The following A1CF variants were observed in gnomAD, a reference collection of about 807,000 sequenced individuals.
The protein encoded by A1CF is APOBEC1 complementation factor.
Under a neutral mutation model 68.9 loss-of-function variants are expected in A1CF, and 48 were observed. That is an observed-to-expected ratio of 0.70 (90% CI 0.55 to 0.89). The LOEUF (loss-of-function observed/expected upper bound fraction) is 0.89, where lower values mean the gene tolerates loss of function less well. Ranked by LOEUF, A1CF falls within the 40% of genes least tolerant of loss-of-function variation. A1CF has a pLI of 0.00. For synonymous variants in A1CF, 272 were observed against 260.4 expected, an observed-to-expected ratio of 1.04 and a Z score of -0.43; for missense variants, 653 against 718.9, an observed-to-expected ratio of 0.91 and a Z score of 1.05.
In A1CF at chr10:50,805,246, T is replaced by G. The variant is rs2132293820; in HGVS notation, c.*1483A>C. On this transcript the variant is annotated 3_prime_UTR_variant, in exon 13 of 13. Coordinates refer to ENST00000373997, the MANE Select transcript of A1CF (RefSeq NM_014576.4). Reference sequence around the variant, plus strand: ...TTTTCCTTTGTGTTCTGTAAATTTTTTTAAGGGCCAAGGGATTTTAAAAAA... The same window carrying G: ...TTTTCCTTTGTGTTCTGTAAATTTTGTTAAGGGCCAAGGGATTTTAAAAAA... 6.6e-6 allele frequency: 1 copy of G among 152,372 alleles called. No homozygotes were observed. Among genetic ancestry groups the G allele is most frequent in the East Asian group, 1.9e-4 (1 of 5,194 alleles). 9.4% of individuals were successfully genotyped at this position (152,372 alleles called of 1,614,324 possible). A position where few individuals can be genotyped will look rare whatever the true frequency, so the allele number is the denominator to read the frequency against.
intron 8 of A1CF, among the ~76,000 whole-genome samples, chr10:50,819,354 C>T (rs1399075510): frequency 1.3e-5 from 2 of 152,114 alleles, no homozygotes; most frequent in Non-Finnish European, 2.9e-5. Flanking sequence ...CACTCCTGGG[C>T]TCAAGCAATC....
chr10:50,855,928 C>T (rs1402830532), intron 3 of A1CF, among the ~76,000 whole-genome samples: 1 of 151,892 alleles, frequency 6.6e-6, no homozygotes. Flanking sequence ...AAAAAGTAAA[C>T]TTGATGTTCT....
chr10:50,830,772 AATTTGT>A (rs1439837985), intron 6 of A1CF, among the ~76,000 whole-genome samples: 1 of 152,178 alleles, frequency 6.6e-6, no homozygotes, highest in Non-Finnish European at 1.5e-5. Context: ...ACAATTCTAA[AATTTGT>A]ATGGGGCCAC....
intron 11 of A1CF, 140 bp downstream of exon 11, chr10:50,810,899 AC>A (rs1373979768): frequency 9.7e-7 from 1 of 1,026,338 alleles, no homozygotes; most frequent in Non-Finnish European, 1.3e-6. Flanking sequence ...GCACATCCCA[AC>A]TACACATCTC....
chr10:50,844,912 G>T (rs1839930484), intron 3 of A1CF, among the ~76,000 whole-genome samples: 1 of 152,132 alleles, frequency 6.6e-6, no homozygotes, highest in African/African-American at 2.4e-5. Context: ...TAGTGTCCCT[G>T]TTAAATCTTC....
chr10:50,855,500 C>T (rs1840437641), intron 3 of A1CF, among the ~76,000 whole-genome samples: 1 of 151,916 alleles, frequency 6.6e-6, no homozygotes, highest in Non-Finnish European at 1.5e-5. Context: ...TGGGGTACTA[C>T]ATTATATCTC....
intron 7 of A1CF, among the ~76,000 whole-genome samples, chr10:50,821,458 A>C (rs1382322457): frequency 6.6e-6 from 1 of 152,226 alleles, no homozygotes; most frequent in Non-Finnish European, 1.5e-5. Flanking sequence ...ATGAGTGATT[A>C]AATCCGCTGC....
chr10:50,810,381 T>C (rs1385238443), intron 11 of A1CF, among the ~76,000 whole-genome samples: 1 of 152,178 alleles, frequency 6.6e-6, no homozygotes. Context: ...AGAGAGGTCA[T>C]ATCTTTGGTC....
chr10:50,859,839 T>C lies in A1CF; in HGVS notation c.99+3A>G. On this transcript the variant is annotated splice_donor_region_variant and intron_variant, in intron 3 of 12. Coordinates refer to ENST00000373997, the MANE Select transcript of A1CF (RefSeq NM_014576.4). ...AGTCTCAGCAGATTTCACAAGTTCC[T>C]ACCTGGACCAAGCTATATCCTGTGC... is the stretch of plus-strand genomic sequence containing the variant. 1 of 1,613,334 alleles carries C rather than the reference T, an allele frequency of 6.2e-7. No homozygotes were observed. Among genetic ancestry groups the C allele is most frequent in the Non-Finnish European group, 8.5e-7 (1 of 1,179,536 alleles).
chr10:50,883,659 A>T (rs1351009621), intron 1 of A1CF, among the ~76,000 whole-genome samples: 3 of 152,184 alleles, frequency 2.0e-5, no homozygotes, highest in African/African-American at 7.2e-5. Flanking sequence ...AGAGATATTG[A>T]TAGATGTTCC....
chr10:50,839,375 C>T (rs1839667517), intron 5 of A1CF, among the ~76,000 whole-genome samples: 1 of 152,180 alleles, frequency 6.6e-6, no homozygotes, highest in Non-Finnish European at 1.5e-5. Flanking sequence ...GGGGAAACTT[C>T]CAATTCTGGA....
At chr10:50,875,411 C>G (rs553341700) in intron 1 of A1CF, among the ~76,000 whole-genome samples, 1 of 152,078 alleles carries the variant, frequency 6.6e-6, no homozygotes, top group African/African-American at 2.4e-5. Context: ...TTGTGTGGTT[C>G]TATGTACGGA....
Position 50,816,197 on chromosome 10 carries a change from C to T in A1CF, c.950G>A (p.Gly317Asp), listed in dbSNP as rs768886597. The part of the protein sequence containing the change: ...DSYVRYTRGT[G>D]GRGTMLQGEY... ...TCCTTGCAGCATGGTGCCCCTTCCA[C>T]CTGTGCCTCGGGTATACCTAACATA... Residue 317 changes from glycine (G) to aspartate (D), a missense_variant, in exon 9 of 13, where the codon GGT becomes GAT. Transcript: ENST00000373997. 4 of 1,613,738 alleles carry T rather than the reference C, an allele frequency of 2.5e-6. No homozygotes were observed. Among genetic ancestry groups the T allele is most frequent in the Admixed American group, 1.7e-5 (1 of 59,968 alleles).
At chr10:50,828,412 AG>A (rs1839074732) in intron 6 of A1CF, 117 bp from the exon 7 acceptor site, 1 of 746,748 alleles carries the variant, frequency 1.3e-6, no homozygotes, top group African/African-American at 1.7e-5. Flanking sequence ...ATGAGCAAGA[AG>A]ACCATTAAAA....
Position 50,813,904 on chromosome 10 carries a change from T to G in A1CF, c.1276A>C (p.Met426Leu), listed in dbSNP as rs763289449. 1 of 1,613,878 alleles carries G rather than the reference T, an allele frequency of 6.2e-7. No homozygotes were observed. The highest frequency in any genetic ancestry group is 8.5e-7 in the Non-Finnish European group (1 of 1,179,842). Residue 426 changes from methionine (M) to leucine (L), a missense_variant, in exon 10 of 13, where the codon ATG becomes CTG. Physicochemically the swap from Met to Leu is conservative, Grantham distance 15 (BLOSUM62 2). Coordinates refer to ENST00000373997, the MANE Select transcript of A1CF (RefSeq NM_014576.4). Reference protein sequence around the residue: ...DILPGMELTPMNPVTLKPQGI... With the variant: ...DILPGMELTPLNPVTLKPQGI... ...TGGGGTTTTAATGTGACAGGATTCA[T>G]TGGGGTGAGCTCCATCCCAGGTAAA...
chr10:50,814,566 C>T (rs1368308359), intron 9 of A1CF, among the ~76,000 whole-genome samples: 1 of 152,172 alleles, frequency 6.6e-6, no homozygotes, highest in African/African-American at 2.4e-5. Context: ...CTTTTAGGTT[C>T]ACCATGCTCT....
At position 50,849,786 on chromosome 10, in the gene A1CF, CTTTTTTTTT is replaced by C. The variant is rs71949925; in HGVS notation, c.100-5673_100-5665del. On this transcript the variant is annotated intron_variant, in intron 3 of 12. Transcript: ENST00000373997. ...AAATAGTGAGTTGATTTAATGAATT[CTTTTTTTTT>C]TTTTTTTTTTTTTTTTGAGACGGAG... is the stretch of plus-strand genomic sequence containing the variant. Among the ~76,000 whole-genome samples the C allele has an allele frequency of 8.4e-5, 7 of 83,654 alleles. No homozygotes were observed. In the South Asian group the frequency reaches 1.4e-3, roughly 17 times the overall value. 54.9% of individuals were successfully genotyped at this position (83,654 alleles called of 152,430 possible). A position where few individuals can be genotyped will look rare whatever the true frequency, so the allele number is the denominator to read the frequency against.
rs374311228 is a variant in A1CF, at chr10:50,880,831, C to T, written c.-94+4750G>A. Among the ~76,000 whole-genome samples, 57 of 152,248 alleles carry T rather than the reference C, an allele frequency of 3.7e-4. 3 individuals are homozygous for T. The South Asian group carries it at 0.011, about 29-fold the overall frequency. The stretch of plus-strand genomic sequence containing the variant: ...CAGGCAGGTAGGAGATTTTATAAAC[C>T]TCTGTTCCTTTATATCTTTCACTGT... On this transcript the variant is annotated intron_variant, in intron 1 of 12. Transcript: ENST00000373997.
intron 1 of A1CF, among the ~76,000 whole-genome samples, chr10:50,870,825 G>A (rs190413705): frequency 6.6e-6 from 1 of 151,630 alleles, no homozygotes; most frequent in East Asian, 1.9e-4. Context: ...TAGAACACTA[G>A]ACCAGTATCA....
Sources: gnomAD v4.1 joint callset for allele counts (sites outside exome capture counted in the v4.1 genomes callset) on GRCh38, gnomAD v4.1.1 for gene constraint, MANE v1.5 for transcripts, NCBI Gene and HGNC (gene_info 2026-07-23, HGNC 2026-07-21) for gene names.